The following ADGRA1 variants were observed in gnomAD, a reference collection of about 807,000 sequenced individuals.
ADGRA1 encodes adhesion G protein-coupled receptor A1.
Under a neutral mutation model 21.3 loss-of-function variants are expected in ADGRA1, and 12 were observed. That is an observed-to-expected ratio of 0.56 (90% CI 0.36 to 0.91). ADGRA1 has a LOEUF of 0.91. Among genes scored for constraint, ADGRA1 ranks in the 40% least tolerant of loss-of-function variants. The pLI is 0.01. For synonymous variants in ADGRA1, 385 were observed against 368.8 expected, an observed-to-expected ratio of 1.04 and a Z score of -0.50; for missense variants, 790 against 805.6, an observed-to-expected ratio of 0.98 and a Z score of 0.23.
intron 2 of ADGRA1, chr10:133,092,958 G>A (rs1394269721): frequency 3.8e-6 from 6 of 1,582,406 alleles, no homozygotes; most frequent in Non-Finnish European, 5.1e-6. Context: ...TCCTCAGCCA[G>A]TTGGAGCTGC....
intron 5 of ADGRA1, among the ~76,000 whole-genome samples, chr10:133,110,195 G>T (rs1461956201): frequency 6.6e-6 from 1 of 152,256 alleles, no homozygotes; most frequent in Non-Finnish European, 1.5e-5. Context: ...CACGGAACCT[G>T]CTCCTTCCTC....
chr10:133,112,321 TCGGTTATCTGGGGTCTGCAGGCTGC>T lies in ADGRA1; in HGVS notation c.401+9480_401+9504del, dbSNP rs1852049021. 6.6e-5 allele frequency among the ~76,000 whole-genome samples: 10 copies of T among 151,948 alleles called. 1 individual carries two copies. In the South Asian group the frequency reaches 2.1e-3, roughly 32 times the overall value. On this transcript the variant is annotated intron_variant, in intron 5 of 6. Coordinates refer to ENST00000392607, the MANE Select transcript of ADGRA1 (RefSeq NM_001083909.3). ...AGTTATTTGGGGTCTGCGGGCCGCA[TCGGTTATCTGGGGTCTGCAGGCTGC>T]GTCAGTTATTTGGGGTCTGCGGGCC...
chr10:133,089,686 G>C (rs550061218), intron 2 of ADGRA1, among the ~76,000 whole-genome samples: 1 of 152,234 alleles, frequency 6.6e-6, no homozygotes, highest in Non-Finnish European at 1.5e-5. Context: ...GGCGTGCTTC[G>C]GAGCAGACCC....
In ADGRA1 at chr10:133,094,350, G is replaced by A. The variant is rs771016984; in HGVS notation, c.4-2624G>A. On this transcript the variant is annotated intron_variant, in intron 2 of 6. Transcript: ENST00000392607. ...GGAGGCTAAGTCTCCTTCTGGCCCT[G>A]AGGATGGAGGCAGCGGGACAGGACG... Among the ~76,000 whole-genome samples, 5 of 152,362 alleles carry A rather than the reference G, an allele frequency of 3.3e-5. No individual in the cohort carries two copies. The East Asian group carries it at 9.7e-4, about 29-fold the overall frequency.
At position 133,128,480 on chromosome 10, in the gene ADGRA1, C is replaced by G. The variant is rs747523176; in HGVS notation, c.652C>G (p.Gln218Glu). Residue 218 changes from glutamine to glutamate, a missense_variant, in exon 7 of 7, where the codon CAG becomes GAG. Coordinates refer to ENST00000392607, the MANE Select transcript of ADGRA1 (RefSeq NM_001083909.3). ...CGAGCTGCGCACACAGCCCGAGGAG[C>G]AGCGGCGGCTGGCGACACCCGAGGG... ...RYELRTQPEE[Q>E]RRLATPEGGR... 6.4e-7 allele frequency: 1 copy of G among 1,570,470 alleles called. No individual in the cohort carries two copies. The highest frequency in any genetic ancestry group is 8.6e-7 in the Non-Finnish European group (1 of 1,159,764).
At chr10:133,091,102 G>T (rs1851589875) in intron 2 of ADGRA1, among the ~76,000 whole-genome samples, 1 of 152,232 alleles carries the variant, frequency 6.6e-6, no homozygotes, top group African/African-American at 2.4e-5. Context: ...GTTCCAGCAG[G>T]CTCCGAAATG....
intron 1 of ADGRA1, 33 bp from the exon 2 acceptor site, chr10:133,088,675 C>A: frequency 5.8e-6 from 7 of 1,210,924 alleles, no homozygotes; most frequent in Non-Finnish European, 7.2e-6. Context: ...GGGGACCCTC[C>A]GCCCGCCCCG....
At chr10:133,109,214 C>G (rs1238245804) in intron 5 of ADGRA1, among the ~76,000 whole-genome samples, 2 of 152,104 alleles carry the variant, frequency 1.3e-5, no homozygotes, top group African/African-American at 4.8e-5. Context: ...ACCCCCTTTC[C>G]CAGATCAGGC....
Position 133,129,044 on chromosome 10 carries a change from GC to G in ADGRA1, c.1218del (p.Phe407SerfsTer130). 6.4e-7 allele frequency: 1 copy of G among 1,556,766 alleles called. No individual in the cohort carries two copies. The highest frequency in any genetic ancestry group is 2.4e-5 in the East Asian group (1 of 41,662). Reference sequence around the variant, plus strand: ...GCACGTGCACCTGCAGGAGGAGGGCGCCTTCGGGCACGACCCCCACCTGCAC... The same window carrying G: ...GCACGTGCACCTGCAGGAGGAGGGCGCTTCGGGCACGACCCCCACCTGCAC... ...EAHVHLQEEG[A>X]FGHDPHLHGC... is the part of the protein sequence containing the mutation. On this transcript the variant is annotated frameshift_variant, in exon 7 of 7. Coordinates refer to ENST00000392607, the MANE Select transcript of ADGRA1 (RefSeq NM_001083909.3). LOFTEE classifies it low-confidence loss of function (END_TRUNC).
In ADGRA1 at chr10:133,131,306, T is replaced by A. The variant is rs1852522096; in HGVS notation, c.*1795T>A. On this transcript the variant is annotated 3_prime_UTR_variant, in exon 7 of 7. Transcript: ENST00000392607. Reference sequence around the variant, plus strand: ...GGCCGTCGGAGGACCACCAGGTGGCTCTGCCTCTGCCTCACCTTCTCACCT... The same window carrying A: ...GGCCGTCGGAGGACCACCAGGTGGCACTGCCTCTGCCTCACCTTCTCACCT... The A allele has an allele frequency of 6.6e-6, 1 of 152,338 alleles. No homozygotes were observed. The highest frequency in any genetic ancestry group is 1.5e-5 in the Non-Finnish European group (1 of 68,098). 9.4% of individuals were successfully genotyped at this position (152,338 alleles called of 1,614,324 possible). A position where few individuals can be genotyped will look rare whatever the true frequency, so the allele number is the denominator to read the frequency against.
intron 5 of ADGRA1, among the ~76,000 whole-genome samples, chr10:133,117,537 C>T (rs1484309927): frequency 6.6e-6 from 1 of 152,218 alleles, no homozygotes; most frequent in Admixed American, 6.5e-5. Flanking sequence ...GGATCAGGCC[C>T]TCACTAGCCC....
In ADGRA1 at chr10:133,130,778, TCA is replaced by T. The variant is rs910471081; in HGVS notation, c.*1274_*1275del. 8.7e-5 allele frequency: 11 copies of T among 126,244 alleles called. No homozygotes were observed. The East Asian group carries it at 1.8e-3, about 21-fold the overall frequency. The allele number at this position is 126,244 out of a possible 1,614,324, so 7.8% of individuals were successfully genotyped here. On this transcript the variant is annotated 3_prime_UTR_variant, in exon 7 of 7. Transcript: ENST00000392607. ...ATGCACACACACAAACACGTGCATA[TCA>T]CACACATGCACACAAACGTGCATAT...
chr10:133,091,363 G>T (rs1459810125), intron 2 of ADGRA1, among the ~76,000 whole-genome samples: 2 of 152,346 alleles, frequency 1.3e-5, no homozygotes, highest in South Asian at 2.1e-4. Flanking sequence ...GGGCGGTGTG[G>T]CTGGTGCAGT....
intron 5 of ADGRA1, among the ~76,000 whole-genome samples, chr10:133,104,420 G>A (rs1374957070): frequency 2.6e-5 from 4 of 152,212 alleles, no homozygotes; most frequent in African/African-American, 7.2e-5. Context: ...GGAACACCCC[G>A]GCGCTCTTCC....
chr10:133,129,172 C>A lies in ADGRA1; in HGVS notation c.1344C>A (p.Pro448=). 6.4e-7 allele frequency: 1 copy of A among 1,551,366 alleles called. No individual in the cohort carries two copies. The highest frequency in any genetic ancestry group is 2.4e-5 in the East Asian group (1 of 40,972). Residue 448 remains proline, a synonymous_variant, in exon 7 of 7, where the codon CCC becomes CCA. Coordinates refer to ENST00000392607, the MANE Select transcript of ADGRA1 (RefSeq NM_001083909.3). ...TCCCATCCAGCCTGGATGGCAGCCC[C>A]CGCAGCTCGCGCACAGACAGCCCCC... ...YHIPSSLDGS[P]RSSRTDSPPS... is the part of the protein sequence containing the mutation.
chr10:133,127,194 C>A, intron 5 of ADGRA1, 39 bp from the exon 6 acceptor site: 2 of 1,353,838 alleles, frequency 1.5e-6, no homozygotes, highest in Non-Finnish European at 2.0e-6. Flanking sequence ...AGGATGCAGG[C>A]GGCGTCTGCA....
At chr10:133,114,519 G>A (rs1045455837) in intron 5 of ADGRA1, among the ~76,000 whole-genome samples, 6 of 152,252 alleles carry the variant, frequency 3.9e-5, no homozygotes, top group African/African-American at 1.2e-4. Flanking sequence ...CCTGACTCCT[G>A]TCTCGCCAGC....
intron 5 of ADGRA1, among the ~76,000 whole-genome samples, chr10:133,122,219 C>A (rs1445701634): frequency 6.6e-6 from 1 of 152,222 alleles, no homozygotes; most frequent in Non-Finnish European, 1.5e-5. Context: ...GGGCCCAGGA[C>A]CTTTTCGCTC....
chr10:133,096,781 C>G (rs34834085), intron 2 of ADGRA1, among the ~76,000 whole-genome samples, 193 bp from the exon 3 acceptor site: 49,930 of 152,136 alleles, frequency 0.33, 8,792 homozygotes, highest in East Asian at 0.59. Flanking sequence ...GGGCCCCTCC[C>G]GTGCACTCCC....
Sources: allele counts gnomAD v4.1 joint callset (sites outside exome capture counted in the v4.1 genomes callset), GRCh38; gene constraint gnomAD v4.1.1; transcripts MANE v1.5; gene names NCBI Gene and HGNC (gene_info 2026-07-23, HGNC 2026-07-21).